HDAC4: variants seen among roughly 807,000 people sequenced by gnomAD.
The protein encoded by HDAC4 is histone deacetylase 4.
In HDAC4, 16 loss-of-function variants were observed where a neutral mutation model predicts 135.1. The ratio of observed to expected loss-of-function variants is 0.12; its 90% CI spans 0.08 to 0.18. HDAC4 has a LOEUF of 0.18. HDAC4 is among the 10% of genes least tolerant of loss of function. HDAC4 has a pLI of 1.00. For synonymous variants in HDAC4, 685 were observed against 653.4 expected (o/e 1.05, Z -0.74); for missense variants, 1,143 against 1,511.8 (o/e 0.76, Z 4.05).
chr2:239,210,084 G>A (rs754617219), intron 3 of HDAC4, among the ~76,000 whole-genome samples: 17 of 152,166 alleles, frequency 1.1e-4, no homozygotes, highest in Admixed American at 6.5e-5. Context: ...CCAGCAACAA[G>A]CCCTCTCCTT....
intron 1 of HDAC4, among the ~76,000 whole-genome samples, chr2:239,358,137 T>C (rs1203114010): frequency 6.6e-6 from 1 of 152,204 alleles, no homozygotes; most frequent in Non-Finnish European, 1.5e-5. Context: ...ACTGTCATGA[T>C]GTTTGCCTAG....
In HDAC4 at chr2:239,139,198, CAT is replaced by C. The variant is rs202243466; in HGVS notation, c.978+484_978+485del. Among the ~76,000 whole-genome samples, 2,673 of 152,354 alleles carry C rather than the reference CAT, an allele frequency of 0.018. 46 individuals are homozygous for C. The highest frequency in any genetic ancestry group is 0.027 in the Non-Finnish European group (1,820 of 68,028). On this transcript the variant is annotated intron_variant, in intron 9 of 26. Transcript: ENST00000543185. This position sits in a 1 kb window ranked among gnomAD's most constrained non-coding sequence, Gnocchi z 5.3. ...GGTGACGCTCCAGTCGGCCCTGACA[CAT>C]AGTTTGTTGGCCGACATCGTGTTGT...
At chr2:239,082,012 C>A in intron 21 of HDAC4, 90 bp downstream of exon 21, 1 of 1,425,188 alleles carries the variant, frequency 7.0e-7, no homozygotes, top group Non-Finnish European at 9.8e-7. Flanking sequence ...TCACTGCTGC[C>A]GGGCAGCTGT....
At chr2:239,289,652 A>C (rs1315217025) in intron 2 of HDAC4, among the ~76,000 whole-genome samples, 10 of 152,208 alleles carry the variant, frequency 6.6e-5, no homozygotes, top group Admixed American at 1.3e-4. Flanking sequence ...CCCCTCAGCC[A>C]CTGTGTTGGG....
At chr2:239,150,595 G>A (rs1171780024) in intron 7 of HDAC4, among the ~76,000 whole-genome samples, 7 of 141,672 alleles carry the variant, frequency 4.9e-5, no homozygotes, top group African/African-American at 1.8e-4. Flanking sequence ...ACAGCAGCAG[G>A]AAGTCTCACC....
rs2048405764 is a variant in HDAC4, at chr2:239,245,373, TG to T, written c.23-8710del. On this transcript the variant is annotated intron_variant, in intron 2 of 26. Transcript: ENST00000543185. The surrounding 1 kb of genome is among the most constrained non-coding windows in gnomAD (Gnocchi z 4.4). ...GAGTGGGCAGGGGAAATTTCAGATA[TG>T]CCCACCAGTCCCGATGTTTTGGTCT... is the stretch of plus-strand genomic sequence containing the variant. Among the ~76,000 whole-genome samples, 1 of 152,300 alleles carries T rather than the reference TG, an allele frequency of 6.6e-6. No homozygotes were observed. Among genetic ancestry groups the T allele is most frequent in the African/African-American group, 2.4e-5 (1 of 41,566 alleles).
At chr2:239,310,163 C>T (rs897206272) in intron 2 of HDAC4, among the ~76,000 whole-genome samples, 15 of 152,208 alleles carry the variant, frequency 9.9e-5, no homozygotes, top group Middle Eastern at 3.2e-3. Flanking sequence ...TGGAGTGAAC[C>T]GTTCTGCCCA....
In HDAC4 at chr2:239,053,468, G is replaced by A. The variant is rs145017202; in HGVS notation, c.3222C>T (p.Ala1074=). ...MASLSVGVKP[A]EKRPDEEPME... The stretch of plus-strand genomic sequence containing the variant: ...GCAGGGCAGGTGCTCACCTCTTTTC[G>A]GCGGGCTTCACGCCCACGGACAGCG... The change falls in exon 26 of 27, where the codon GCC becomes GCT. Residue 1074 remains alanine (A), a synonymous_variant. Transcript: ENST00000543185. The A allele has an allele frequency of 3.6e-5, 58 of 1,613,008 alleles. No individual in the cohort carries two copies. Among genetic ancestry groups the A allele is most frequent in the Admixed American group, 3.2e-4 (19 of 59,990 alleles).
rs1364237025 is a variant in HDAC4 at position 239,387,350 on chromosome 2, A to C, written c.-220+13628T>G. On this transcript the variant is annotated intron_variant, in intron 1 of 26. Coordinates refer to ENST00000543185, the MANE Select transcript of HDAC4 (RefSeq NM_001378414.1). ...AGGCCAGGAGGCCACTTCCAGCCTCAGTCCCGCCGCTGCGTGCCTGGCCAG... is the reference window on the plus strand; with the variant it reads ...AGGCCAGGAGGCCACTTCCAGCCTCCGTCCCGCCGCTGCGTGCCTGGCCAG... 2.0e-5 allele frequency among the ~76,000 whole-genome samples: 3 copies of C among 152,210 alleles called. No individual in the cohort carries two copies. The East Asian group carries it at 5.8e-4, about 29-fold the overall frequency.
intron 3 of HDAC4, among the ~76,000 whole-genome samples, chr2:239,222,688 A>T (rs1297508542): frequency 6.6e-6 from 1 of 152,238 alleles, no homozygotes; most frequent in African/African-American, 2.4e-5. Flanking sequence ...TTCCTGGAAA[A>T]TCTTTCTAAG....
intron 11 of HDAC4, 104 bp downstream of exon 11, chr2:239,134,141 C>A: frequency 1.2e-6 from 1 of 850,050 alleles, no homozygotes; most frequent in South Asian, 1.4e-5. Context: ...GGGGGTGGGA[C>A]AGGCGTGCAT....
chr2:239,092,968 C>T (rs942980509), intron 17 of HDAC4, among the ~76,000 whole-genome samples: 3 of 152,124 alleles, frequency 2.0e-5, no homozygotes, highest in African/African-American at 7.2e-5. Flanking sequence ...GAAAGCTTCC[C>T]ACGGATAATC....
intron 2 of HDAC4, chr2:239,298,118 T>C (rs1231435629): frequency 2.0e-6 from 2 of 983,568 alleles, no homozygotes; most frequent in African/African-American, 1.7e-5. Context: ...AAAAAATTAA[T>C]GGACTAAAAC....
intron 11 of HDAC4, among the ~76,000 whole-genome samples, chr2:239,132,129 G>A (rs2040629644): frequency 6.6e-6 from 1 of 152,170 alleles, no homozygotes; most frequent in African/African-American, 2.4e-5. Flanking sequence ...TTAAGAACAA[G>A]GCAATGACTA....
At chr2:239,209,043 G>A (rs535189392) in intron 3 of HDAC4, among the ~76,000 whole-genome samples, 37 of 152,256 alleles carry the variant, frequency 2.4e-4, no homozygotes, top group African/African-American at 7.9e-4. Context: ...CGCATGGCTA[G>A]TTTACGTATT....
chr2:239,168,092 G>T (rs1367279935), intron 5 of HDAC4, among the ~76,000 whole-genome samples: 3 of 152,246 alleles, frequency 2.0e-5, no homozygotes, highest in Non-Finnish European at 4.4e-5. Context: ...GCCTGAAAGT[G>T]CTCCTTTTTC....
At chr2:239,189,685 G>C in intron 4 of HDAC4, 148 bp downstream of exon 4, 1 of 736,358 alleles carries the variant, frequency 1.4e-6, no homozygotes, top group Non-Finnish European at 2.3e-6. Flanking sequence ...TTGTTGCCTG[G>C]TGTTACCGTC....
intron 2 of HDAC4, among the ~76,000 whole-genome samples, chr2:239,351,070 C>A (rs922977939): frequency 2.6e-5 from 4 of 152,192 alleles, no homozygotes; most frequent in Non-Finnish European, 5.9e-5. Context: ...TCCTCTTACA[C>A]TGGAATTAGG....
chr2:239,165,743 ATTT>A (rs2043090103), intron 5 of HDAC4, among the ~76,000 whole-genome samples: 1 of 152,170 alleles, frequency 6.6e-6, no homozygotes, highest in Non-Finnish European at 1.5e-5. Flanking sequence ...GTGTGTGTGC[ATTT>A]ACCCTGCCTC....
Sources: allele counts gnomAD v4.1 joint callset (sites outside exome capture counted in the v4.1 genomes callset), GRCh38; gene constraint gnomAD v4.1.1; non-coding constraint Gnocchi (gnomAD v3.1); transcripts MANE v1.5; gene names NCBI Gene and HGNC (gene_info 2026-07-23, HGNC 2026-07-21).